The following KLHDC1 variants were observed in gnomAD, a reference collection of about 807,000 sequenced individuals.
KLHDC1 encodes kelch domain-containing protein 1.
A neutral mutation model predicts 68.3 loss-of-function variants in KLHDC1; 53 were observed. The ratio of observed to expected loss-of-function variants is 0.78; its 90% CI spans 0.62 to 0.98. KLHDC1 has a LOEUF of 0.98. KLHDC1 is among the 50% of genes least tolerant of loss of function. KLHDC1 has a pLI of 0.00. For missense variants in KLHDC1, 470 were observed against 492.3 expected (o/e 0.95, Z 0.43); for synonymous variants, 148 against 159.0 (o/e 0.93, Z 0.52).
intron 8 of KLHDC1, among the ~76,000 whole-genome samples, chr14:49,730,792 G>T (rs1466439191): frequency 3.3e-5 from 5 of 151,706 alleles, no homozygotes; most frequent in Non-Finnish European, 7.4e-5. Flanking sequence ...GGCCAACATG[G>T]TGAAACCCCA....
chr14:49,718,247 A>G (rs2139747036), intron 4 of KLHDC1, among the ~76,000 whole-genome samples: 1 of 152,002 alleles, frequency 6.6e-6, no homozygotes. Flanking sequence ...ACTTGTTGAT[A>G]TACCCTTCTT....
chr14:49,734,730 T>C, intron 10 of KLHDC1, 69 bp downstream of exon 10: 1 of 745,558 alleles, frequency 1.3e-6, no homozygotes, highest in South Asian at 2.4e-5. Flanking sequence ...TAGTACTGAA[T>C]TTATAGTGTT....
intron 4 of KLHDC1, among the ~76,000 whole-genome samples, chr14:49,721,887 T>G (rs1888534468): frequency 6.6e-6 from 1 of 152,176 alleles, no homozygotes; most frequent in South Asian, 2.1e-4. Context: ...TCTCCTCCCC[T>G]GGCCTTTGGA....
rs556409397 is a variant in KLHDC1, at chr14:49,726,482, A to G, written c.567+713A>G. 9.8e-5 allele frequency among the ~76,000 whole-genome samples: 15 copies of G among 152,352 alleles called. No individual in the cohort carries two copies. In the East Asian group the frequency reaches 2.9e-3, roughly 29 times the overall value. ...TTTTCTAGAAAAAAGTCTTTTAATG[A>G]GGTGCCATCGTCATTCTTTACCCAC... On this transcript the variant is annotated intron_variant, in intron 6 of 12. Coordinates refer to ENST00000359332, the MANE Select transcript of KLHDC1 (RefSeq NM_172193.3).
In KLHDC1 at chr14:49,693,286, A is replaced by C; in HGVS notation, c.92A>C (p.Tyr31Ser). 6.5e-7 allele frequency: 1 copy of C among 1,546,836 alleles called. No homozygotes were observed. ...DGNFLYVWGG[Y>S]VSIEDNEVYL... is the part of the protein sequence containing the mutation. ...AACTTCCTCTACGTGTGGGGGGGCT[A>C]CGTGGTAAGGGGAAGAGGCGGGACG... is the stretch of plus-strand genomic sequence containing the variant. Residue 31 changes from tyrosine to serine, a missense_variant, in exon 1 of 13, where the codon TAC (tyrosine) becomes TCC (serine). Coordinates refer to ENST00000359332, the MANE Select transcript of KLHDC1 (RefSeq NM_172193.3).
intron 12 of KLHDC1, among the ~76,000 whole-genome samples, chr14:49,744,862 T>C (rs1051635254): frequency 3.9e-5 from 6 of 152,174 alleles, no homozygotes; most frequent in African/African-American, 1.4e-4. Context: ...TACACAGATA[T>C]TTAATATAGA....
intron 1 of KLHDC1, among the ~76,000 whole-genome samples, chr14:49,707,335 A>ATTTT (rs1888079406): frequency 5.7e-5 from 6 of 104,794 alleles, no homozygotes; most frequent in African/African-American, 1.9e-4. Flanking sequence ...TAGACAAGAT[A>ATTTT]TTCTTTTTTT....
At chr14:49,723,804 T>G (rs1888598027) in intron 4 of KLHDC1, 70 bp from the exon 5 acceptor site, 1 of 860,968 alleles carries the variant, frequency 1.2e-6, no homozygotes, top group Admixed American at 2.6e-5. Flanking sequence ...TGAGAGGATC[T>G]TTTTCAGCTT....
Position 49,729,560 on chromosome 14 carries a change from G to A in KLHDC1, c.710+12G>A. 1.3e-6 allele frequency: 2 copies of A among 1,564,854 alleles called. No individual in the cohort carries two copies. The highest frequency in any genetic ancestry group is 2.2e-5 in the South Asian group (2 of 89,770). ...ACTTGGTCTGGAAGGTAAGTTTGAA[G>A]TCTAAGTACGTTTTAATCTATAGGC... On this transcript the variant is annotated intron_variant, in intron 8 of 12. Coordinates refer to ENST00000359332, the MANE Select transcript of KLHDC1 (RefSeq NM_172193.3).
intron 4 of KLHDC1, among the ~76,000 whole-genome samples, chr14:49,717,045 G>A (rs556888173): frequency 1.3e-5 from 2 of 152,254 alleles, no homozygotes; most frequent in Non-Finnish European, 2.9e-5. Context: ...GTAGCATATA[G>A]CATTCCTTTT....
At chr14:49,726,003 A>G (rs8014915) in intron 6 of KLHDC1, among the ~76,000 whole-genome samples, 139,359 of 152,042 alleles carry the variant, frequency 0.92, 65,084 homozygotes, top group South Asian at 1. Flanking sequence ...GTGGACCACC[A>G]TGCCTGGCTA....
intron 10 of KLHDC1, among the ~76,000 whole-genome samples, chr14:49,737,864 C>CAA (rs760826908): frequency 0.011 from 552 of 49,190 alleles, 8 homozygotes; most frequent in East Asian, 0.027. Context: ...GATCCTGTCT[C>CAA]AAAAAAAAAA....
chr14:49,725,344 C>T (rs1488627922), intron 5 of KLHDC1, among the ~76,000 whole-genome samples: 8 of 152,280 alleles, frequency 5.3e-5, no homozygotes, highest in African/African-American at 1.7e-4. Flanking sequence ...GAGTTCTGAG[C>T]ATGTACTTTA....
At position 49,752,795 on chromosome 14, in the gene KLHDC1, T is replaced by G. The variant is rs1889345495; in HGVS notation, c.*1023T>G. 6.6e-6 allele frequency: 1 copy of G among 152,126 alleles called. No homozygotes were observed. 9.4% of individuals were successfully genotyped at this position (152,126 alleles called of 1,614,324 possible). On this transcript the variant is annotated 3_prime_UTR_variant, in exon 13 of 13. Coordinates refer to ENST00000359332, the MANE Select transcript of KLHDC1 (RefSeq NM_172193.3). ...CATAATTAAGAAATTTTTCTTCATA[T>G]TATCACAATCATGCCCTTCCATTGA... is the stretch of plus-strand genomic sequence containing the variant.
chr14:49,747,091 T>C (rs1200786762), intron 12 of KLHDC1, among the ~76,000 whole-genome samples: 2 of 151,730 alleles, frequency 1.3e-5, no homozygotes, highest in Non-Finnish European at 2.9e-5. Context: ...GGACCACAGG[T>C]GCCCGCCACC....
intron 4 of KLHDC1, among the ~76,000 whole-genome samples, chr14:49,711,745 A>C (rs1418391756): frequency 6.6e-6 from 1 of 151,932 alleles, no homozygotes. Flanking sequence ...CTTCATTGCT[A>C]ATTATTAAAT....
At chr14:49,694,709 C>G (rs992575087) in intron 1 of KLHDC1, among the ~76,000 whole-genome samples, 1 of 152,070 alleles carries the variant, frequency 6.6e-6, no homozygotes, top group Non-Finnish European at 1.5e-5. Context: ...CAAAAATTAG[C>G]CGGACATGGT....
In KLHDC1 at chr14:49,748,461, A is replaced by G. The variant is rs80124065; in HGVS notation, c.1035-3125A>G. 9.5e-4 allele frequency among the ~76,000 whole-genome samples: 144 copies of G among 152,290 alleles called. 3 individuals carry two copies. In the East Asian group the frequency reaches 0.024, roughly 25 times the overall value. On this transcript the variant is annotated intron_variant, in intron 12 of 12. Coordinates refer to ENST00000359332, the MANE Select transcript of KLHDC1 (RefSeq NM_172193.3). ...TAGAACATACAGCTGGTGTTCCAAA[A>G]AGCAAAAAACCCAGGTTTGGGAGGG...
At position 49,694,550 on chromosome 14, in the gene KLHDC1, TA is replaced by T. The variant is rs548619321; in HGVS notation, c.96+1270del. The stretch of plus-strand genomic sequence containing the variant: ...GTTAAGCATGCAATAGTATTATGTG[TA>T]AAAAAAAAATGTACATACCTGGCTG... On this transcript the variant is annotated intron_variant, in intron 1 of 12. Coordinates refer to ENST00000359332, the MANE Select transcript of KLHDC1 (RefSeq NM_172193.3). Among the ~76,000 whole-genome samples the T allele has an allele frequency of 6.4e-3, 963 of 149,756 alleles. 13 individuals are homozygous for T. Among genetic ancestry groups the T allele is most frequent in the African/African-American group, 0.022 (920 of 40,910 alleles).
Sources: gnomAD v4.1 joint callset for allele counts (sites outside exome capture counted in the v4.1 genomes callset) on GRCh38, gnomAD v4.1.1 for gene constraint, MANE v1.5 for transcripts, NCBI Gene and HGNC (gene_info 2026-07-23, HGNC 2026-07-21) for gene names.